The following MGAT4C variants were observed in gnomAD, a reference collection of about 807,000 sequenced individuals.
MGAT4C encodes alpha-1,3-mannosyl-glycoprotein 4-beta-N-acetylglucosaminyltransferase C.
MGAT4C carries 19 observed loss-of-function variants against 40.1 expected under a neutral mutation model. That is an observed-to-expected ratio of 0.47 (90% CI 0.33 to 0.70). MGAT4C has a LOEUF of 0.70. MGAT4C is among the 30% of genes least tolerant of loss of function. MGAT4C has a pLI of 0.02. For synonymous variants in MGAT4C, 181 were observed against 187.1 expected, an observed-to-expected ratio of 0.97 and a Z score of 0.27; for missense variants, 491 against 563.2, an observed-to-expected ratio of 0.87 and a Z score of 1.30.
chr12:86,075,170 TG>T (rs985001315), intron 1 of MGAT4C, among the ~76,000 whole-genome samples: 4 of 152,128 alleles, frequency 2.6e-5, no homozygotes, highest in East Asian at 1.9e-4. Flanking sequence ...CTAGATACAA[TG>T]GGGGTACAGT....
chr12:85,995,562 T>C (rs1323152331), intron 2 of MGAT4C, among the ~76,000 whole-genome samples: 1 of 144,326 alleles, frequency 6.9e-6, no homozygotes, highest in Non-Finnish European at 1.6e-5. Context: ...ATTAAAAAAC[T>C]GGACATTAAA....
chr12:86,101,861 T>C, intron 1 of MGAT4C, among the ~76,000 whole-genome samples: 1 of 151,976 alleles, frequency 6.6e-6, no homozygotes, highest in East Asian at 1.9e-4. Flanking sequence ...TTTGTCTTTG[T>C]GAACTAAAAT....
Position 86,659,335 on chromosome 12 carries a change from A to C in MGAT4C, c.-229+67874T>G, listed in dbSNP as rs367808072. On this transcript the variant is annotated intron_variant, in intron 2 of 7. Transcript: ENST00000548651. ...GAAGAACATCTCAAACTAAGGTGGA[A>C]ATTCTCCCAAAATGCCAGAGAAGAG... Among the ~76,000 whole-genome samples, 12 of 152,190 alleles carry C rather than the reference A, an allele frequency of 7.9e-5. No homozygotes were observed. In the East Asian group the frequency reaches 1.9e-3, roughly 25 times the overall value.
At position 86,562,009 on chromosome 12, in the gene MGAT4C, C is replaced by T. The variant is rs1428020588; in HGVS notation, c.-228-126744G>A. Among the ~76,000 whole-genome samples the T allele has an allele frequency of 2.6e-5, 4 of 152,292 alleles. No individual in the cohort carries two copies. In the East Asian group the frequency reaches 7.7e-4, roughly 29 times the overall value. On this transcript the variant is annotated intron_variant, in intron 2 of 7. Transcript: ENST00000548651. ...ATACACATTTGATACTCCTGATTCA[C>T]TGCTCTTGAGAGGCAAGGAGTTTAG...
chr12:86,406,262 T>G (rs1393267691), intron 3 of MGAT4C, among the ~76,000 whole-genome samples: 2 of 151,242 alleles, frequency 1.3e-5, no homozygotes, highest in Non-Finnish European at 3.0e-5. Context: ...TCTGCCAAAT[T>G]AAAACCTTTT....
intron 2 of MGAT4C, among the ~76,000 whole-genome samples, chr12:86,444,624 T>C (rs1957300855): frequency 6.6e-6 from 1 of 152,216 alleles, no homozygotes; most frequent in Non-Finnish European, 1.5e-5. Context: ...GTCTTCCATA[T>C]CTTAACATGG....
intron 1 of MGAT4C, among the ~76,000 whole-genome samples, chr12:86,206,506 A>T (rs1372945649): frequency 6.6e-6 from 1 of 152,134 alleles, no homozygotes; most frequent in Non-Finnish European, 1.5e-5. Flanking sequence ...AATAGGATAG[A>T]CGGTATTTCA....
At chr12:86,713,446 T>A (rs1950594126) in intron 2 of MGAT4C, among the ~76,000 whole-genome samples, 1 of 152,116 alleles carries the variant, frequency 6.6e-6, no homozygotes, top group African/African-American at 2.4e-5. Flanking sequence ...TCTCACATCA[T>A]AATGAATGCA....
At chr12:86,570,981 CTT>C (rs1210180397) in intron 2 of MGAT4C, among the ~76,000 whole-genome samples, 1 of 151,838 alleles carries the variant, frequency 6.6e-6, no homozygotes, top group Non-Finnish European at 1.5e-5. Context: ...ACCCAGCTAA[CTT>C]TTGTATTTTT....
chr12:86,461,114 A>G (rs1957591700), intron 2 of MGAT4C, among the ~76,000 whole-genome samples: 1 of 152,138 alleles, frequency 6.6e-6, no homozygotes, highest in Admixed American at 6.5e-5. Context: ...TATCATGGGA[A>G]TAGGTATAGA....
chr12:86,793,293 G>T (rs1952058247), intron 1 of MGAT4C, among the ~76,000 whole-genome samples: 1 of 152,068 alleles, frequency 6.6e-6, no homozygotes, highest in Non-Finnish European at 1.5e-5. Flanking sequence ...GTGATTTATG[G>T]AGTAATTAAA....
chr12:86,647,503 C>T (rs939072804), intron 2 of MGAT4C, among the ~76,000 whole-genome samples: 2 of 151,820 alleles, frequency 1.3e-5, no homozygotes, highest in Admixed American at 6.6e-5. Flanking sequence ...CTCAGTTCTG[C>T]ACTCTGTCAT....
chr12:86,264,961 G>A (rs765049365), intron 4 of MGAT4C, among the ~76,000 whole-genome samples: 2 of 152,210 alleles, frequency 1.3e-5, no homozygotes, highest in Non-Finnish European at 2.9e-5. Context: ...CCTCTTTGGG[G>A]CTCTGCGGTT....
Position 85,979,164 on chromosome 12 carries a change from A to G in MGAT4C, c.*125T>C, listed in dbSNP as rs558320764. On this transcript the variant is annotated 3_prime_UTR_variant, in exon 5 of 5. Coordinates refer to ENST00000611864, the MANE Select transcript of MGAT4C (RefSeq NM_001351288.2). ...TTATGTCAACAATGTATAAATGAAAACTGCCAATGTAATTAATGTTTCTTT... is the reference window on the plus strand; with the variant it reads ...TTATGTCAACAATGTATAAATGAAAGCTGCCAATGTAATTAATGTTTCTTT... 13 of 702,810 alleles carry G rather than the reference A, an allele frequency of 1.8e-5. No individual in the cohort carries two copies. The highest frequency in any genetic ancestry group is 4.1e-4 in the Middle Eastern group (1 of 2,420). The allele number at this position is 702,810 out of a possible 1,614,324, so 43.5% of individuals were successfully genotyped here. A position where few individuals can be genotyped will look rare whatever the true frequency, so the allele number is the denominator to read the frequency against.
At chr12:86,790,180 C>T (rs1437383528) in intron 1 of MGAT4C, among the ~76,000 whole-genome samples, 1 of 152,116 alleles carries the variant, frequency 6.6e-6, no homozygotes, top group Non-Finnish European at 1.5e-5. Context: ...AGGTAGAATA[C>T]TACCTATTTG....
chr12:86,266,454 T>C (rs1276580086), intron 4 of MGAT4C, among the ~76,000 whole-genome samples: 2 of 152,206 alleles, frequency 1.3e-5, no homozygotes, highest in African/African-American at 4.8e-5. Context: ...GGTCAGCATA[T>C]GTTTAATCAT....
chr12:86,191,787 T>TGTGTGTGG (rs768246042), intron 1 of MGAT4C, among the ~76,000 whole-genome samples: 1 of 141,426 alleles, frequency 7.1e-6, no homozygotes, highest in African/African-American at 2.6e-5. Context: ...TGTGTGTGTG[T>TGTGTGTGG]GGTGTTTTCA....
At chr12:86,379,506 T>C (rs771284760) in intron 3 of MGAT4C, among the ~76,000 whole-genome samples, 2 of 152,118 alleles carry the variant, frequency 1.3e-5, no homozygotes, top group Admixed American at 6.6e-5. Context: ...CACCTCTTTC[T>C]GGCAAAGGTT....
At chr12:86,454,703 T>C (rs529957696) in intron 2 of MGAT4C, among the ~76,000 whole-genome samples, 2 of 152,154 alleles carry the variant, frequency 1.3e-5, no homozygotes, top group South Asian at 4.2e-4. Flanking sequence ...GGCACTGGAG[T>C]AGTAAGCAAA....
Sources: allele counts gnomAD v4.1 joint callset (sites outside exome capture counted in the v4.1 genomes callset), GRCh38; gene constraint gnomAD v4.1.1; transcripts MANE v1.5; gene names NCBI Gene and HGNC (gene_info 2026-07-23, HGNC 2026-07-21).